The following CCDC181 variants were observed in gnomAD, a reference collection of about 807,000 sequenced individuals.
CCDC181 encodes coiled-coil domain containing 181.
CCDC181 carries 35 observed loss-of-function variants against 58.7 expected under a neutral mutation model. The ratio of observed to expected loss-of-function variants is 0.60; its 90% CI spans 0.46 to 0.79. The LOEUF (loss-of-function observed/expected upper bound fraction) is 0.79, where lower values mean the gene tolerates loss of function less well. Among genes scored for constraint, CCDC181 ranks in the 30% least tolerant of loss-of-function variants. The probability of loss-of-function intolerance (pLI) is 0.00; values close to 1 mark genes in which losing one functional copy is unlikely to be tolerated. For synonymous variants in CCDC181, 183 were observed against 197.5 expected (o/e 0.93, Z 0.62); for missense variants, 517 against 583.9 (o/e 0.89, Z 1.18).
chr1:169,395,264 C>G, intron 5 of CCDC181, 58 bp from the exon 6 acceptor site: 1 of 1,420,622 alleles, frequency 7.0e-7, no homozygotes, highest in Non-Finnish European at 9.4e-7. Context: ...ACTCTTCATG[C>G]TATAAAGTTA....
At chr1:169,408,263 G>A (rs1241317656) in intron 4 of CCDC181, among the ~76,000 whole-genome samples, 2 of 152,208 alleles carry the variant, frequency 1.3e-5, no homozygotes, top group African/African-American at 4.8e-5. Context: ...TGAGGCTTGA[G>A]TAGGCAGTTT....
intron 4 of CCDC181, among the ~76,000 whole-genome samples, chr1:169,403,874 C>A (rs1655499677): frequency 6.6e-6 from 1 of 152,090 alleles, no homozygotes; most frequent in South Asian, 2.1e-4. Context: ...AATCCAGGAG[C>A]TGGTTTTTTG....
At chr1:169,428,659 G>A (rs969109215), upstream of CCDC181, among the ~76,000 whole-genome samples, 5 of 151,902 alleles carry the variant, frequency 3.3e-5, no homozygotes, top group Admixed American at 2.6e-4. Flanking sequence ...TTCTTTGTTT[G>A]TTTGTTTTGT....
chr1:169,397,080 T>G (rs1171447928), intron 5 of CCDC181, among the ~76,000 whole-genome samples, 157 bp downstream of exon 5: 1 of 150,824 alleles, frequency 6.6e-6, no homozygotes, highest in Non-Finnish European at 1.5e-5. Flanking sequence ...AGTTAAAGAA[T>G]TATACATTTT....
chr1:169,395,885 T>C (rs1392076369), intron 5 of CCDC181: 1 of 151,556 alleles, frequency 6.6e-6, no homozygotes, highest in East Asian at 1.9e-4. Flanking sequence ...GTTGTTTTTT[T>C]TTTTTCAGAA....
chr1:169,421,355 G>A lies in CCDC181; in HGVS notation c.1068+8C>T. On this transcript the variant is annotated splice_region_variant and intron_variant, in intron 3 of 5. Coordinates refer to ENST00000367806, the MANE Select transcript of CCDC181 (RefSeq NM_001300969.2). ...TACTTTTAATATAATGCCCACTTAG[G>A]TTCTCACCTCTCTTTTCAGTTTTTC... is the stretch of plus-strand genomic sequence containing the variant. 6.3e-7 allele frequency: 1 copy of A among 1,584,540 alleles called. No individual in the cohort carries two copies. The highest frequency in any genetic ancestry group is 8.6e-7 in the Non-Finnish European group (1 of 1,162,770).
At chr1:169,439,089 G>A (rs1439231781) in intron 2 of CCDC181, among the ~76,000 whole-genome samples, 1 of 152,080 alleles carries the variant, frequency 6.6e-6, no homozygotes, top group Admixed American at 6.6e-5. Flanking sequence ...ACCCCACAGT[G>A]GGGCTATATC....
chr1:169,431,511 C>CT (rs1253299451), upstream of CCDC181, among the ~76,000 whole-genome samples: 1 of 152,214 alleles, frequency 6.6e-6, no homozygotes, highest in East Asian at 1.9e-4. Flanking sequence ...CACCAGGAAT[C>CT]TATCTCCCCA....
intron 3 of CCDC181, among the ~76,000 whole-genome samples, chr1:169,419,894 A>G (rs1656383406): frequency 6.6e-6 from 1 of 152,222 alleles, no homozygotes; most frequent in Non-Finnish European, 1.5e-5. Context: ...CCCAGAAAAT[A>G]TGGGCATAAA....
At chr1:169,412,348 C>G (rs1345304637) in intron 4 of CCDC181, among the ~76,000 whole-genome samples, 2 of 152,126 alleles carry the variant, frequency 1.3e-5, no homozygotes, top group Non-Finnish European at 2.9e-5. Context: ...AGGAGACCTA[C>G]AAACCACCAC....
chr1:169,414,141 G>T (rs1468442089), intron 4 of CCDC181, among the ~76,000 whole-genome samples: 2 of 152,160 alleles, frequency 1.3e-5, no homozygotes, highest in African/African-American at 4.8e-5. Context: ...TACATTGAAA[G>T]TAAAATATGA....
At chr1:169,426,026 C>CT (rs1239046852) in intron 1 of CCDC181, among the ~76,000 whole-genome samples, 2 of 151,880 alleles carry the variant, frequency 1.3e-5, no homozygotes, top group African/African-American at 4.8e-5. Flanking sequence ...GGTTAGGGGT[C>CT]TTTAAGTCAT....
At chr1:169,451,377 GC>G (rs1034803220) in intron 2 of CCDC181, 4 of 152,060 alleles carry the variant, frequency 2.6e-5, no homozygotes, top group Non-Finnish European at 5.9e-5. Context: ...ACCATTGTAA[GC>G]CACAAAGATA....
At chr1:169,404,452 C>T (rs1240881797) in intron 4 of CCDC181, among the ~76,000 whole-genome samples, 1 of 152,160 alleles carries the variant, frequency 6.6e-6, no homozygotes, top group African/African-American at 2.4e-5. Context: ...CATCAAAAAG[C>T]TTATCCACCA....
chr1:169,395,334 T>A (rs1557855246), intron 5 of CCDC181, 128 bp from the exon 6 acceptor site: 5 of 773,004 alleles, frequency 6.5e-6, no homozygotes, highest in Non-Finnish European at 9.3e-6. Flanking sequence ...CAGCACAAAT[T>A]TTTAAGTATT....
intron 4 of CCDC181, among the ~76,000 whole-genome samples, chr1:169,417,902 A>G (rs1369559041): frequency 1.3e-5 from 2 of 152,184 alleles, no homozygotes; most frequent in South Asian, 2.1e-4. Flanking sequence ...GTAGAGACCT[A>G]TATCTATCTC....
At chr1:169,451,638 C>T (rs1370372056) in intron 2 of CCDC181, among the ~76,000 whole-genome samples, 1 of 151,904 alleles carries the variant, frequency 6.6e-6, no homozygotes, top group African/African-American at 2.4e-5. Context: ...AGACTCTACC[C>T]CTTTCCCTGG....
At chr1:169,444,438 G>T (rs1428907402) in intron 2 of CCDC181, among the ~76,000 whole-genome samples, 1 of 152,080 alleles carries the variant, frequency 6.6e-6, no homozygotes, top group Non-Finnish European at 1.5e-5. Context: ...AAGTGACAGG[G>T]CCTTCAGTAG....
intron 2 of CCDC181, among the ~76,000 whole-genome samples, chr1:169,446,170 G>T (rs996795330): frequency 6.6e-6 from 1 of 151,996 alleles, no homozygotes; most frequent in South Asian, 2.1e-4. Flanking sequence ...CTTAGGCCGG[G>T]TGCGGTGGCT....
Sources: gnomAD v4.1 joint callset for allele counts (sites outside exome capture counted in the v4.1 genomes callset) on GRCh38, gnomAD v4.1.1 for gene constraint, MANE v1.5 for transcripts, NCBI Gene and HGNC (gene_info 2026-07-23, HGNC 2026-07-21) for gene names.